Variants in MRPL15 observed in about 807,000 individuals in gnomAD.
MRPL15 encodes the protein mitochondrial ribosomal protein L15.
In MRPL15, 24 loss-of-function variants were observed where a neutral mutation model predicts 28.0. The ratio of observed to expected loss-of-function variants is 0.86; its 90% CI spans 0.62 to 1.21. The LOEUF (loss-of-function observed/expected upper bound fraction) is 1.21. Among genes scored for constraint, MRPL15 ranks in the 50% most tolerant of loss-of-function variants. MRPL15 has a pLI of 0.00. For synonymous variants in MRPL15, 124 were observed against 137.0 expected (o/e 0.90, Z 0.66); for missense variants, 343 against 372.4 (o/e 0.92, Z 0.65).
In MRPL15 at chr8:54,148,355, A is replaced by G. The variant is rs1322133201; in HGVS notation, c.*636A>G. On this transcript the variant is annotated 3_prime_UTR_variant, in exon 5 of 5. Transcript: ENST00000260102. ...CAGGCCTTTGTTCTTAGAGCTCCCA[A>G]GATGGTGGTGGCCACTCCCAAGATG... 6.6e-6 allele frequency among the ~76,000 whole-genome samples: 1 copy of G among 152,218 alleles called. No individual in the cohort carries two copies. Among genetic ancestry groups the G allele is most frequent in the East Asian group, 1.9e-4 (1 of 5,200 alleles).
chr8:54,135,345 G>T lies in MRPL15; in HGVS notation c.62G>T (p.Arg21Leu), dbSNP rs1163856204. Residue 21 changes from arginine (R) to leucine (L), a missense_variant, in exon 1 of 5, where the codon CGT becomes CTT. Coordinates refer to ENST00000260102, the MANE Select transcript of MRPL15 (RefSeq NM_014175.4). Reference sequence around the variant, plus strand: ...CTGGACCTACTCCGGGGCCTGCCGCGTGTGAGCCTGGCCAACTTAAAGCCG... The same window carrying T: ...CTGGACCTACTCCGGGGCCTGCCGCTTGTGAGCCTGGCCAACTTAAAGCCG... The part of the protein sequence containing the change: ...RALDLLRGLP[R>L]VSLANLKPNP... 1 of 1,511,432 alleles carries T rather than the reference G, an allele frequency of 6.6e-7. No homozygotes were observed. The highest frequency in any genetic ancestry group is 8.9e-7 in the Non-Finnish European group (1 of 1,126,706). The allele number at this position is 1,511,432 out of a possible 1,614,324, so 93.6% of individuals were successfully genotyped here. A position where few individuals can be genotyped will look rare whatever the true frequency, so the allele number is the denominator to read the frequency against.
At chr8:54,145,328 T>C (rs71517558) in intron 4 of MRPL15, among the ~76,000 whole-genome samples, 50,546 of 151,792 alleles carry the variant, frequency 0.33, 11,015 homozygotes, top group East Asian at 0.72. Context: ...GATCCTCCCA[T>C]CTCAGCCTCA....
chr8:54,136,681 T>C lies in MRPL15; in HGVS notation c.263+16T>C. On this transcript the variant is annotated intron_variant, in intron 2 of 4. Transcript: ENST00000260102. ...AAGGACATAGGTAAGGTTGCTTTGC[T>C]TTTTAAAGTACAGGTCCCCAATTTC... The C allele has an allele frequency of 6.2e-7, 1 of 1,604,062 alleles. No individual in the cohort carries two copies. Among genetic ancestry groups the C allele is most frequent in the Non-Finnish European group, 8.5e-7 (1 of 1,174,462 alleles).
rs981996089 is a variant in MRPL15, at chr8:54,148,306, A to T, written c.*587A>T. On this transcript the variant is annotated 3_prime_UTR_variant, in exon 5 of 5. Coordinates refer to ENST00000260102, the MANE Select transcript of MRPL15 (RefSeq NM_014175.4). ...AATTACAAATGAATTTATTTTCTCA[A>T]TTCTGTGGTAGAAGTGTTACAGGCA... Among the ~76,000 whole-genome samples the T allele has an allele frequency of 6.6e-6, 1 of 152,226 alleles. No individual in the cohort carries two copies. The highest frequency in any genetic ancestry group is 1.5e-5 in the Non-Finnish European group (1 of 68,030).
chr8:54,144,456 A>G (rs955128171), intron 4 of MRPL15, among the ~76,000 whole-genome samples: 14 of 152,120 alleles, frequency 9.2e-5, no homozygotes, highest in African/African-American at 3.4e-4. Flanking sequence ...CCTTTTTCCC[A>G]TAATTGAAAG....
Position 54,147,943 on chromosome 8 carries a change from G to A in MRPL15, c.*224G>A, listed in dbSNP as rs1244480488. The A allele has an allele frequency of 2.1e-6, 1 of 469,950 alleles. No individual in the cohort carries two copies. The highest frequency in any genetic ancestry group is 3.7e-6 in the Non-Finnish European group (1 of 267,056). The allele number at this position is 469,950 out of a possible 1,614,324, so 29.1% of individuals were successfully genotyped here. On this transcript the variant is annotated 3_prime_UTR_variant, in exon 5 of 5. Transcript: ENST00000260102. ...TCTGTCTCAAAGATACAAACTCCCT[G>A]ATAGTCTATGGAAGGAAAATGACAA...
chr8:54,146,308 A>G (rs1437926139), intron 4 of MRPL15, among the ~76,000 whole-genome samples: 1 of 152,186 alleles, frequency 6.6e-6, no homozygotes, highest in Non-Finnish European at 1.5e-5. Context: ...TTAGCTGAGC[A>G]TGGTGGTGCA....
chr8:54,144,757 T>A (rs369116074), intron 4 of MRPL15, among the ~76,000 whole-genome samples: 38 of 150,136 alleles, frequency 2.5e-4, no homozygotes, highest in African/African-American at 8.9e-4. Flanking sequence ...CCAGGCTGGG[T>A]GGCAAAGTGA....
rs1253804024 is a variant in MRPL15, at chr8:54,147,477, G to C, written c.649G>C (p.Ala217Pro). ...AGAACTGGTACCATATTACACTGAT[G>C]CAAAGAACCGTGGGTACCTGGCGGA... ...PEELVPYYTD[A>P]KNRGYLADPA... The change falls in exon 5 of 5, where the codon GCA (alanine) becomes CCA (proline). Residue 217 changes from alanine to proline, a missense_variant. By Grantham distance (27) the Ala-to-Pro change is conservative. Coordinates refer to ENST00000260102, the MANE Select transcript of MRPL15 (RefSeq NM_014175.4). 6.2e-7 allele frequency: 1 copy of C among 1,614,022 alleles called. No homozygotes were observed. Among genetic ancestry groups the C allele is most frequent in the Non-Finnish European group, 8.5e-7 (1 of 1,180,040 alleles).
chr8:54,144,497 G>A (rs538868857), intron 4 of MRPL15, among the ~76,000 whole-genome samples: 2 of 152,210 alleles, frequency 1.3e-5, no homozygotes, highest in African/African-American at 2.4e-5. Context: ...AAGGCCGGGC[G>A]CAGTGGCTCA....
intron 4 of MRPL15, 150 bp from the exon 5 acceptor site, chr8:54,147,232 C>CAA (rs67302384): frequency 2.9e-5 from 17 of 585,828 alleles, no homozygotes; most frequent in Admixed American, 1.8e-4. Flanking sequence ...AACTGCGTCT[C>CAA]AAAAAAAAAA....
intron 4 of MRPL15, among the ~76,000 whole-genome samples, chr8:54,146,724 A>G (rs1415198325): frequency 6.6e-6 from 1 of 152,172 alleles, no homozygotes; most frequent in East Asian, 1.9e-4. Flanking sequence ...ACAGTTATCT[A>G]TTTGTGTAAT....
At position 54,136,629 on chromosome 8, in the gene MRPL15, T is replaced by C. The variant is rs1223113581; in HGVS notation, c.227T>C (p.Ile76Thr). 6.2e-7 allele frequency: 1 copy of C among 1,614,076 alleles called. No individual in the cohort carries two copies. Among genetic ancestry groups the C allele is most frequent in the African/African-American group, 1.3e-5 (1 of 74,948 alleles). ...GAGGGAGGCCAGACTCCATTTTACA[T>C]CCGAATCCCAAAATACGGGTTTAAC... is the stretch of plus-strand genomic sequence containing the variant. ...GFEGGQTPFYIRIPKYGFNEG... is the reference protein window; with the variant it reads ...GFEGGQTPFYTRIPKYGFNEG... Residue 76 changes from isoleucine to threonine, a missense_variant, in exon 2 of 5, where the codon ATC (isoleucine) becomes ACC (threonine). Coordinates refer to ENST00000260102, the MANE Select transcript of MRPL15 (RefSeq NM_014175.4).
rs1563722418 is a variant in MRPL15, at chr8:54,147,749, A to G, written c.*30A>G. 6.4e-7 allele frequency: 1 copy of G among 1,562,784 alleles called. No homozygotes were observed. The highest frequency in any genetic ancestry group is 8.7e-7 in the Non-Finnish European group (1 of 1,148,896). ...CCGTCCAAGGAAGCAGAGTTGTTAA[A>G]GAGTACTGGAATAGGGGCTGAAGGA... On this transcript the variant is annotated 3_prime_UTR_variant, in exon 5 of 5. Coordinates refer to ENST00000260102, the MANE Select transcript of MRPL15 (RefSeq NM_014175.4).
intron 1 of MRPL15, among the ~76,000 whole-genome samples, chr8:54,135,998 G>A (rs1810822796): frequency 6.6e-6 from 1 of 152,218 alleles, no homozygotes; most frequent in Non-Finnish European, 1.5e-5. Context: ...CCCTTCTGCA[G>A]TTGACTAAAT....
intron 3 of MRPL15, among the ~76,000 whole-genome samples, chr8:54,140,546 C>G (rs2129239759): frequency 6.8e-6 from 1 of 146,650 alleles, no homozygotes; most frequent in South Asian, 2.2e-4. Flanking sequence ...TGAGTCACCG[C>G]ACCCGGCCTA....
At chr8:54,147,042 G>C (rs1811056291) in intron 4 of MRPL15, among the ~76,000 whole-genome samples, 1 of 152,174 alleles carries the variant, frequency 6.6e-6, no homozygotes, top group Admixed American at 6.5e-5. Context: ...AGACCAGCCT[G>C]ACCAACATGG....
Position 54,147,044 on chromosome 8 carries a change from C to T in MRPL15, c.554-338C>T, listed in dbSNP as rs1366508640. 3.3e-5 allele frequency among the ~76,000 whole-genome samples: 5 copies of T among 152,292 alleles called. No individual in the cohort carries two copies. In the East Asian group the frequency reaches 9.7e-4, roughly 29 times the overall value. On this transcript the variant is annotated intron_variant, in intron 4 of 4. Coordinates refer to ENST00000260102, the MANE Select transcript of MRPL15 (RefSeq NM_014175.4). ...GGTCAAGAGTTCCAGACCAGCCTGACCAACATGGTCAAACCCCGTCTCTAC... is the reference window on the plus strand; with the variant it reads ...GGTCAAGAGTTCCAGACCAGCCTGATCAACATGGTCAAACCCCGTCTCTAC...
In MRPL15 at chr8:54,148,358, T is replaced by C. The variant is rs1785836970; in HGVS notation, c.*639T>C. On this transcript the variant is annotated 3_prime_UTR_variant, in exon 5 of 5. Transcript: ENST00000260102. ...GCCTTTGTTCTTAGAGCTCCCAAGATGGTGGTGGCCACTCCCAAGATGGCA... is the reference window on the plus strand; with the variant it reads ...GCCTTTGTTCTTAGAGCTCCCAAGACGGTGGTGGCCACTCCCAAGATGGCA... Among the ~76,000 whole-genome samples, 1 of 152,218 alleles carries C rather than the reference T, an allele frequency of 6.6e-6. No homozygotes were observed. Among genetic ancestry groups the C allele is most frequent in the South Asian group, 2.1e-4 (1 of 4,832 alleles).
Sources: gnomAD v4.1 joint callset for allele counts (sites outside exome capture counted in the v4.1 genomes callset) on GRCh38, gnomAD v4.1.1 for gene constraint, MANE v1.5 for transcripts, NCBI Gene and HGNC (gene_info 2026-07-23, HGNC 2026-07-21) for gene names.